The following NR4A2 variants were observed in gnomAD, a reference collection of about 807,000 sequenced individuals.
NR4A2 encodes the protein NGFI-B/nur77 beta-type transcription factor homolog.
Under a neutral mutation model 50.5 loss-of-function variants are expected in NR4A2, and 1 was observed. That is an observed-to-expected ratio of 0.02 (90% CI 0.01 to 0.09). NR4A2 has a LOEUF of 0.09. NR4A2 is among the 10% of genes least tolerant of loss of function. The pLI is 1.00. For synonymous variants in NR4A2, 328 were observed against 309.4 expected, an observed-to-expected ratio of 1.06 and a Z score of -0.63; for missense variants, 613 against 777.3, an observed-to-expected ratio of 0.79 and a Z score of 2.51.
At position 156,332,571 on chromosome 2, in the gene NR4A2, G is replaced by C; in HGVS notation, c.-218C>G. The C allele has an allele frequency of 8.5e-7, 1 of 1,174,774 alleles. No individual in the cohort carries two copies. Among genetic ancestry groups the C allele is most frequent in the South Asian group, 1.3e-5 (1 of 78,640 alleles). 72.8% of individuals were successfully genotyped at this position (1,174,774 alleles called of 1,614,324 possible). Reference sequence around the variant, plus strand: ...CGGGCGCCGGGGTCGGGTAGGGGTGGGAGAGCTGGGCGAAGGGAACCCGGA... The same window carrying C: ...CGGGCGCCGGGGTCGGGTAGGGGTGCGAGAGCTGGGCGAAGGGAACCCGGA... On this transcript the variant is annotated 5_prime_UTR_variant, in exon 1 of 8. Coordinates refer to ENST00000339562, the MANE Select transcript of NR4A2 (RefSeq NM_006186.4).
rs1280905221 is a variant in NR4A2 at position 156,329,804 on chromosome 2, G to C, written c.383C>G (p.Pro128Arg). ...GSVYYKPSSP[P>R]TPTTPGFQVQ... ...CTGGAAGCCCGGGGTGGTGGGCGTC[G>C]GGGGCGAGGAGGGCTTGTAGTAAAC... Residue 128 changes from proline (P) to arginine (R), a missense_variant, in exon 3 of 8, where the codon CCG (proline) becomes CGG (arginine). Physicochemically the swap from Pro to Arg is moderately radical, Grantham distance 103. This residue lies in a region of NR4A2 where 275 missense variants were observed against 248.9 expected (regional missense o/e 1.10). Coordinates refer to ENST00000339562, the MANE Select transcript of NR4A2 (RefSeq NM_006186.4). This position sits in a 1 kb window ranked among gnomAD's most constrained non-coding sequence, Gnocchi z 7.5. 2 of 1,613,414 alleles carry C rather than the reference G, an allele frequency of 1.2e-6. No individual in the cohort carries two copies. Among genetic ancestry groups the C allele is most frequent in the African/African-American group, 1.3e-5 (1 of 74,902 alleles).
chr2:156,329,004 G>C lies in NR4A2; in HGVS notation c.864+319C>G, dbSNP rs1686780482. Among the ~76,000 whole-genome samples the C allele has an allele frequency of 6.6e-6, 1 of 152,232 alleles. No homozygotes were observed. The highest frequency in any genetic ancestry group is 2.4e-5 in the African/African-American group (1 of 41,468). On this transcript the variant is annotated intron_variant, in intron 3 of 7. Coordinates refer to ENST00000339562, the MANE Select transcript of NR4A2 (RefSeq NM_006186.4). The surrounding 1 kb of genome is among the most constrained non-coding windows in gnomAD (Gnocchi z 7.5). ...CCTAACCAATTTCATTCTGAACAGG[G>C]AAGACAGCTCCTAGCACATGCAAAT... is the stretch of plus-strand genomic sequence containing the variant.
chr2:156,327,944 G>A lies in NR4A2; in HGVS notation c.1065C>T (p.Pro355=), dbSNP rs1181559136. The change falls in exon 5 of 8, where the codon CCC becomes CCT. Residue 355 remains proline (P), a synonymous_variant. Coordinates refer to ENST00000339562, the MANE Select transcript of NR4A2 (RefSeq NM_006186.4). ...GACTCACCGGGGGCGAAGGGGGAGA[G>A]GGCTCCTGTGGGCTCTTCGGTTTCG... ...LPSKPKSPQE[P]SPPSPPVSLI... is the part of the protein sequence containing the mutation. 3 of 1,596,712 alleles carry A rather than the reference G, an allele frequency of 1.9e-6. No individual in the cohort carries two copies. Among genetic ancestry groups the A allele is most frequent in the Non-Finnish European group, 2.6e-6 (3 of 1,170,604 alleles).
rs773287780 is a variant in NR4A2, at chr2:156,327,837, C to T, written c.1158+14G>A. The T allele has an allele frequency of 4.5e-6, 7 of 1,565,752 alleles. No individual in the cohort carries two copies. The highest frequency in any genetic ancestry group is 1.4e-5 in the African/African-American group (1 of 73,986). ...CGGTTTGTCCACATGATATCCCCCCCGCCAGCTTCTTACCCTGGAATAGTC... is the reference window on the plus strand; with the variant it reads ...CGGTTTGTCCACATGATATCCCCCCTGCCAGCTTCTTACCCTGGAATAGTC... On this transcript the variant is annotated intron_variant, in intron 5 of 7. Coordinates refer to ENST00000339562, the MANE Select transcript of NR4A2 (RefSeq NM_006186.4).
Position 156,326,885 on chromosome 2 carries a change from A to T in NR4A2, c.1194T>A (p.Asp398Glu). The T allele has an allele frequency of 6.2e-7, 1 of 1,614,232 alleles. No individual in the cohort carries two copies. Reference sequence around the variant, plus strand: ...AGAATTGCTGGATATGCTGGGTGTCATCTCCACTCATTTGATAGTCAGGGT... The same window carrying T: ...AGAATTGCTGGATATGCTGGGTGTCTTCTCCACTCATTTGATAGTCAGGGT... ...QANPDYQMSG[D>E]DTQHIQQFYD... The change falls in exon 6 of 8, where the codon GAT (aspartate) becomes GAA (glutamate). Residue 398 changes from aspartate (D) to glutamate (E), a missense_variant. By Grantham distance (45) the Asp-to-Glu change is conservative (BLOSUM62 2). This residue lies in a region of NR4A2 where 250 missense variants were observed against 311.3 expected (regional missense o/e 0.80). Coordinates refer to ENST00000339562, the MANE Select transcript of NR4A2 (RefSeq NM_006186.4). This position sits in a 1 kb window ranked among gnomAD's most constrained non-coding sequence, Gnocchi z 4.2.
chr2:156,325,390 T>G lies in NR4A2; in HGVS notation c.*354A>C. 1 of 340,826 alleles carries G rather than the reference T, an allele frequency of 2.9e-6. No individual in the cohort carries two copies. Among genetic ancestry groups the G allele is most frequent in the Non-Finnish European group, 5.7e-6 (1 of 175,602 alleles). 21.1% of individuals were successfully genotyped at this position (340,826 alleles called of 1,614,324 possible). A position where few individuals can be genotyped will look rare whatever the true frequency, so the allele number is the denominator to read the frequency against. On this transcript the variant is annotated 3_prime_UTR_variant, in exon 8 of 8. Transcript: ENST00000339562. Reference sequence around the variant, plus strand: ...TTGTCTGAACTGCAACAACCAAGCATGGCCAAACATTTCCCATTATACATT... The same window carrying G: ...TTGTCTGAACTGCAACAACCAAGCAGGGCCAAACATTTCCCATTATACATT...
At position 156,326,278 on chromosome 2, in the gene NR4A2, T is replaced by G; in HGVS notation, c.1412A>C (p.His471Pro). The G allele has an allele frequency of 6.2e-7, 1 of 1,614,208 alleles. No homozygotes were observed. Among genetic ancestry groups the G allele is most frequent in the Non-Finnish European group, 8.5e-7 (1 of 1,180,038 alleles). The part of the protein sequence containing the change: ...KLIFCNGVVL[H>P]RLQCVRGFGE... The stretch of plus-strand genomic sequence containing the variant: ...AAAGCCACGAACGCATTGCAACCTG[T>G]GCAAGACCACCCCATTGCAAAAGAT... The change falls in exon 7 of 8, where the codon CAC becomes CCC. Residue 471 changes from histidine (H) to proline (P), a missense_variant. Transcript: ENST00000339562. This position sits in a 1 kb window ranked among gnomAD's most constrained non-coding sequence, Gnocchi z 4.2.
rs779969826 is a variant in NR4A2 at position 156,329,829 on chromosome 2, C to T, written c.358G>A (p.Val120Ile). The change falls in exon 3 of 8, where the codon GTT (valine) becomes ATT (isoleucine). Residue 120 changes from valine to isoleucine, a missense_variant. Val to Ile is a conservative substitution (Grantham distance 29). Coordinates refer to ENST00000339562, the MANE Select transcript of NR4A2 (RefSeq NM_006186.4). The surrounding 1 kb of genome is among the most constrained non-coding windows in gnomAD (Gnocchi z 7.5). ...SEEMMPHSGS[V>I]YYKPSSPPTP... ...GGGGGCGAGGAGGGCTTGTAGTAAA[C>T]CGACCCGGAGTGCGGCATCATCTCC... 1.2e-6 allele frequency: 2 copies of T among 1,614,128 alleles called. No homozygotes were observed. The highest frequency in any genetic ancestry group is 1.7e-5 in the Admixed American group (1 of 60,024).
In NR4A2 at chr2:156,326,039, A is replaced by G. The variant is rs2105592037; in HGVS notation, c.1541-39T>C. On this transcript the variant is annotated intron_variant, in intron 7 of 7. Transcript: ENST00000339562. The surrounding 1 kb of genome is among the most constrained non-coding windows in gnomAD (Gnocchi z 4.2). Reference sequence around the variant, plus strand: ...AATCAGAAACAAAAGAAGAATGTACAAGACAGTTAGCTAGTTGGCAAAACC... The same window carrying G: ...AATCAGAAACAAAAGAAGAATGTACGAGACAGTTAGCTAGTTGGCAAAACC... 2 of 1,614,040 alleles carry G rather than the reference A, an allele frequency of 1.2e-6. No homozygotes were observed. Among genetic ancestry groups the G allele is most frequent in the African/African-American group, 2.7e-5 (2 of 75,058 alleles).
At chr2:156,330,443 AC>A (rs200333804) in intron 2 of NR4A2, among the ~76,000 whole-genome samples, 1 of 150,918 alleles carries the variant, frequency 6.6e-6, no homozygotes, top group East Asian at 2.0e-4. Flanking sequence ...TCTCCCTCAT[AC>A]CCCCCCACTC....
chr2:156,329,694 G>T lies in NR4A2; in HGVS notation c.493C>A (p.Gln165Lys). The T allele has an allele frequency of 1.2e-6, 2 of 1,614,034 alleles. No individual in the cohort carries two copies. The highest frequency in any genetic ancestry group is 1.7e-6 in the Non-Finnish European group (2 of 1,179,948). Residue 165 changes from glutamine to lysine, a missense_variant, in exon 3 of 8, where the codon CAG becomes AAG. Around this residue, in one of 4 missense-constraint regions of NR4A2, gnomAD observed 275 missense variants for 248.9 expected, o/e 1.10. Transcript: ENST00000339562. This position sits in a 1 kb window ranked among gnomAD's most constrained non-coding sequence, Gnocchi z 7.5. ...NYVATTHMIE[Q>K]RKTPVSRLSL... is the part of the protein sequence containing the mutation. ...AGGCGGGAGACTGGCGTTTTCCTCT[G>T]CTCGATCATGTGCGTAGTGGCCACG... is the stretch of plus-strand genomic sequence containing the variant.
intron 1 of NR4A2, 72 bp from the exon 2 acceptor site, chr2:156,330,863 C>G (rs1356263853): frequency 8.2e-7 from 1 of 1,215,576 alleles, no homozygotes. Context: ...GTAGACTCAC[C>G]AGGCAGGCCC....
chr2:156,331,317 T>C (rs950021532), intron 1 of NR4A2, among the ~76,000 whole-genome samples: 64 of 152,226 alleles, frequency 4.2e-4, no homozygotes, highest in Non-Finnish European at 1.5e-5. Flanking sequence ...GAAGGCAAGT[T>C]GAGTGGAAGC....
chr2:156,326,403 C>CAATAA lies in NR4A2; in HGVS notation c.1362-80_1362-76dup. 1 of 1,351,184 alleles carries CAATAA rather than the reference C, an allele frequency of 7.4e-7. No individual in the cohort carries two copies. The allele number at this position is 1,351,184 out of a possible 1,614,324, so 83.7% of individuals were successfully genotyped here. ...GCTAAACAACTAATTACTTGAAGAG[C>CAATAA]AATAAATGAGGGATTTAAGAGTCAC... On this transcript the variant is annotated intron_variant, in intron 6 of 7. Coordinates refer to ENST00000339562, the MANE Select transcript of NR4A2 (RefSeq NM_006186.4). The surrounding 1 kb of genome is among the most constrained non-coding windows in gnomAD (Gnocchi z 4.2).
intron 2 of NR4A2, 116 bp from the exon 3 acceptor site, chr2:156,330,304 GGC>G (rs775193821): frequency 5.1e-5 from 62 of 1,207,220 alleles, no homozygotes; most frequent in Non-Finnish European, 6.8e-5. Context: ...AGCATGTAGG[GGC>G]GCGAGAGGAA....
Position 156,325,927 on chromosome 2 carries a change from G to C in NR4A2, c.1614C>G (p.His538Gln), listed in dbSNP as rs550135305. 3 of 1,614,194 alleles carry C rather than the reference G, an allele frequency of 1.9e-6. No individual in the cohort carries two copies. Among genetic ancestry groups the C allele is most frequent in the South Asian group, 2.2e-5 (2 of 91,086 alleles). Residue 538 changes from histidine (H) to glutamine (Q), a missense_variant, in exon 8 of 8, where the codon CAC becomes CAG. His to Gln is a conservative substitution (Grantham distance 24, BLOSUM62 0). This residue lies in a region of NR4A2 where 250 missense variants were observed against 311.3 expected (regional missense o/e 0.80). Transcript: ENST00000339562. ...QNKIVNCLKD[H>Q]VTFNNGGLNR... ...TCAACCCCCCATTGTTGAAAGTCAC[G>C]TGGTCTTTGAGACAATTTACAATCT... is the stretch of plus-strand genomic sequence containing the variant.
Position 156,326,833 on chromosome 2 carries a change from T to C in NR4A2, c.1246A>G (p.Ile416Val). The stretch of plus-strand genomic sequence containing the variant: ...ATCTTCTCTGCCCAGCCCCGGATGA[T>C]CTCCATGGAGCCAGTCAGGAGATCA... ...FYDLLTGSME[I>V]IRGWAEKIPG... is the part of the protein sequence containing the mutation. Residue 416 changes from isoleucine to valine, a missense_variant, in exon 6 of 8, where the codon ATC (isoleucine) becomes GTC (valine). Around this residue, in one of 4 missense-constraint regions of NR4A2, gnomAD observed 250 missense variants for 311.3 expected, o/e 0.80. Coordinates refer to ENST00000339562, the MANE Select transcript of NR4A2 (RefSeq NM_006186.4). This position sits in a 1 kb window ranked among gnomAD's most constrained non-coding sequence, Gnocchi z 4.2. The C allele has an allele frequency of 6.2e-7, 1 of 1,614,184 alleles. No individual in the cohort carries two copies. Among genetic ancestry groups the C allele is most frequent in the Non-Finnish European group, 8.5e-7 (1 of 1,180,036 alleles).
At chr2:156,332,302 C>T (rs995212979) in intron 1 of NR4A2, among the ~76,000 whole-genome samples, 178 bp downstream of exon 1, 1 of 152,180 alleles carries the variant, frequency 6.6e-6, no homozygotes, top group Non-Finnish European at 1.5e-5. Flanking sequence ...AGCCGGAGTT[C>T]GAACAAATGC....
rs549634107 is a variant in NR4A2, at chr2:156,326,621, T to C, written c.1361+97A>G. The C allele has an allele frequency of 1.5e-6, 2 of 1,343,208 alleles. No homozygotes were observed. Among genetic ancestry groups the C allele is most frequent in the African/African-American group, 2.9e-5 (2 of 69,698 alleles). The allele number at this position is 1,343,208 out of a possible 1,614,324, so 83.2% of individuals were successfully genotyped here. On this transcript the variant is annotated intron_variant, in intron 6 of 7. Transcript: ENST00000339562. This position sits in a 1 kb window ranked among gnomAD's most constrained non-coding sequence, Gnocchi z 4.2. ...ACTTCCATTTCCTATTCTGTCTTTT[T>C]CTCTACCCCACCCTCTGGTTTCCCT... is the stretch of plus-strand genomic sequence containing the variant.
Sources: allele counts gnomAD v4.1 joint callset (sites outside exome capture counted in the v4.1 genomes callset), GRCh38; gene constraint gnomAD v4.1.1; regional missense constraint gnomAD v4.1.1; non-coding constraint Gnocchi (gnomAD v3.1); transcripts MANE v1.5; gene names NCBI Gene and HGNC (gene_info 2026-07-23, HGNC 2026-07-21).